PDLIM5: variants seen among roughly 807,000 people sequenced by gnomAD.
The protein encoded by PDLIM5 is PDZ and LIM domain protein 5.
PDLIM5 carries 34 observed loss-of-function variants against 64.2 expected under a neutral mutation model. That is an observed-to-expected ratio of 0.53 (90% CI 0.40 to 0.71). The LOEUF (loss-of-function observed/expected upper bound fraction) is 0.71. Ranked by LOEUF, PDLIM5 falls within the 30% of genes least tolerant of loss-of-function variation. The pLI, the probability that PDLIM5 is intolerant of heterozygous loss-of-function variation, is 0.00. For synonymous variants in PDLIM5, 253 were observed against 269.1 expected (o/e 0.94, Z 0.59); for missense variants, 683 against 733.6 (o/e 0.93, Z 0.80).
chr4:94,587,012 T>G (rs1736277639), intron 7 of PDLIM5: 1 of 1,608,232 alleles, frequency 6.2e-7, no homozygotes, highest in Non-Finnish European at 8.5e-7. Context: ...CTTCACGTCT[T>G]TAGTCCCAAA....
chr4:94,481,691 C>G (rs1216686836), intron 2 of PDLIM5, among the ~76,000 whole-genome samples: 3 of 152,028 alleles, frequency 2.0e-5, no homozygotes, highest in Admixed American at 1.3e-4. Context: ...TCACTTTAAG[C>G]TCTGCCTCCT....
intron 3 of PDLIM5, among the ~76,000 whole-genome samples, chr4:94,526,327 T>C (rs1730347534): frequency 6.6e-6 from 1 of 152,224 alleles, no homozygotes. Context: ...TCTTTAAGGC[T>C]GCTTAAATAC....
In PDLIM5 at chr4:94,665,943, G is replaced by A. The variant is rs939801284; in HGVS notation, c.*1876G>A. 56 of 1,518,852 alleles carry A rather than the reference G, an allele frequency of 3.7e-5. No homozygotes were observed. The Admixed American group carries it at 7.7e-4, about 21-fold the overall frequency. 94.1% of individuals were successfully genotyped at this position (1,518,852 alleles called of 1,614,324 possible). On this transcript the variant is annotated 3_prime_UTR_variant, in exon 13 of 13. Coordinates refer to ENST00000317968, the MANE Select transcript of PDLIM5 (RefSeq NM_006457.5). ...ACATGGAGACAGGGAAACAATTGTG[G>A]TAAAACTGTGGATCCTGTTGCTATT...
chr4:94,488,825 T>C (rs1726588226), intron 2 of PDLIM5, among the ~76,000 whole-genome samples: 1 of 152,246 alleles, frequency 6.6e-6, no homozygotes, highest in Non-Finnish European at 1.5e-5. Flanking sequence ...TCTTTGTTTA[T>C]TGGACTGTTT....
At position 94,619,422 on chromosome 4, in the gene PDLIM5, C is replaced by T. The variant is rs111862206; in HGVS notation, c.1108+1231C>T. Among the ~76,000 whole-genome samples the T allele has an allele frequency of 7.0e-3, 1,066 of 151,358 alleles. 15 individuals are homozygous for T. Among genetic ancestry groups the T allele is most frequent in the African/African-American group, 0.024 (997 of 41,224 alleles). On this transcript the variant is annotated intron_variant, in intron 8 of 12. Coordinates refer to ENST00000317968, the MANE Select transcript of PDLIM5 (RefSeq NM_006457.5). ...TTGGGAGGCCGAGGCCGGCGGATCACGAGGTCAGGAGATCTAGACCATCCT... is the reference window on the plus strand; with the variant it reads ...TTGGGAGGCCGAGGCCGGCGGATCATGAGGTCAGGAGATCTAGACCATCCT...
chr4:94,573,502 C>T, intron 4 of PDLIM5, 109 bp downstream of exon 4: 2 of 924,544 alleles, frequency 2.2e-6, no homozygotes, highest in East Asian at 2.4e-5. Flanking sequence ...TTTATAGTCT[C>T]AGTACAATTT....
At chr4:94,573,159 A>G (rs1380120481) in intron 3 of PDLIM5, among the ~76,000 whole-genome samples, 192 bp from the exon 4 acceptor site, 1 of 152,210 alleles carries the variant, frequency 6.6e-6, no homozygotes, top group Non-Finnish European at 1.5e-5. Flanking sequence ...AAAATGTTGA[A>G]TCTTGCAGCA....
chr4:94,663,348 GC>G lies in PDLIM5; in HGVS notation c.1702-628del, dbSNP rs566927861. On this transcript the variant is annotated intron_variant, in intron 12 of 12. Coordinates refer to ENST00000317968, the MANE Select transcript of PDLIM5 (RefSeq NM_006457.5). ...AAAAAGCAGAACTTTTAGCAGATTTGCCTTTTCTTTTCTAATAAAGCTGTTC... is the reference window on the plus strand; with the variant it reads ...AAAAAGCAGAACTTTTAGCAGATTTGCTTTTCTTTTCTAATAAAGCTGTTC... 1.6e-3 allele frequency among the ~76,000 whole-genome samples: 246 copies of G among 152,228 alleles called. 2 individuals are homozygous for G. Among genetic ancestry groups the G allele is most frequent in the Non-Finnish European group, 2.5e-4 (17 of 68,006 alleles).
intron 3 of PDLIM5, among the ~76,000 whole-genome samples, chr4:94,558,706 G>T (rs1578373038): frequency 1.3e-5 from 2 of 151,634 alleles, no homozygotes; most frequent in Non-Finnish European, 1.5e-5. Context: ...GGATAAAAAT[G>T]TCGGCTTTCT....
At chr4:94,631,607 T>C (rs910570005) in intron 8 of PDLIM5, among the ~76,000 whole-genome samples, 8 of 152,240 alleles carry the variant, frequency 5.3e-5, no homozygotes, top group Admixed American at 5.2e-4. Context: ...TAAGGAGCTC[T>C]GACTTCATAT....
chr4:94,483,194 C>CAAAATTAGTTTCAAAA (rs1361328071), intron 2 of PDLIM5, among the ~76,000 whole-genome samples: 1 of 152,046 alleles, frequency 6.6e-6, no homozygotes, highest in Non-Finnish European at 1.5e-5. Context: ...AGTAGCCCCT[C>CAAAATTAGTTTCAAAA]AAAATTAGTT....
At chr4:94,647,804 C>T (rs1445199552) in intron 9 of PDLIM5, among the ~76,000 whole-genome samples, 1 of 151,958 alleles carries the variant, frequency 6.6e-6, no homozygotes, top group Non-Finnish European at 1.5e-5. Flanking sequence ...TGAGATCATA[C>T]AAAGTATGCT....
At chr4:94,517,845 A>T (rs190130054) in intron 2 of PDLIM5, among the ~76,000 whole-genome samples, 1 of 152,308 alleles carries the variant, frequency 6.6e-6, no homozygotes, top group East Asian at 1.9e-4. Context: ...ACATTATAGG[A>T]TAATCACCAA....
intron 7 of PDLIM5, among the ~76,000 whole-genome samples, chr4:94,599,625 A>G (rs1393490840): frequency 1.3e-5 from 2 of 152,188 alleles, no homozygotes; most frequent in African/African-American, 4.8e-5. Context: ...AAATCAAACA[A>G]TTCAATAGTA....
intron 3 of PDLIM5, among the ~76,000 whole-genome samples, chr4:94,529,654 A>C (rs1051908650): frequency 6.6e-6 from 1 of 152,186 alleles, no homozygotes; most frequent in South Asian, 2.1e-4. Context: ...TTTCTATGAC[A>C]TCCTAAAAAA....
chr4:94,461,354 A>G (rs2126079997), intron 2 of PDLIM5, among the ~76,000 whole-genome samples: 1 of 152,346 alleles, frequency 6.6e-6, no homozygotes, highest in East Asian at 1.9e-4. Context: ...AATGGAAATG[A>G]AAAGAGAAAA....
At chr4:94,554,236 A>G (rs767057654) in intron 3 of PDLIM5, among the ~76,000 whole-genome samples, 1 of 152,322 alleles carries the variant, frequency 6.6e-6, no homozygotes, top group East Asian at 1.9e-4. Flanking sequence ...TTTCAAGCTA[A>G]TGCTGTTGTT....
intron 3 of PDLIM5, among the ~76,000 whole-genome samples, chr4:94,566,591 A>G (rs902365782): frequency 6.6e-6 from 1 of 152,220 alleles, no homozygotes; most frequent in African/African-American, 2.4e-5. Context: ...CAAGGGAGGT[A>G]TTATGACCCT....
chr4:94,603,571 A>G (rs950353623), intron 7 of PDLIM5, among the ~76,000 whole-genome samples: 1 of 152,182 alleles, frequency 6.6e-6, no homozygotes, highest in African/African-American at 2.4e-5. Flanking sequence ...TTATTAGGAC[A>G]TACATACAGG....
Sources: gnomAD v4.1 joint callset for allele counts (sites outside exome capture counted in the v4.1 genomes callset) on GRCh38, gnomAD v4.1.1 for gene constraint, MANE v1.5 for transcripts, NCBI Gene and HGNC (gene_info 2026-07-23, HGNC 2026-07-21) for gene names.